The following UBXN2A variants were observed in gnomAD, a reference collection of about 807,000 sequenced individuals.
The protein encoded by UBXN2A is UBX domain protein 2A, also known as UBX domain-containing protein 2A.
Under a neutral mutation model 28.4 loss-of-function variants are expected in UBXN2A, and 28 were observed. The ratio of observed to expected loss-of-function variants is 0.99; its 90% CI spans 0.73 to 1.35. The LOEUF is 1.35. Among genes scored for constraint, UBXN2A ranks in the 40% most tolerant of loss-of-function variants. UBXN2A has a pLI of 0.00. For missense variants in UBXN2A, 253 were observed against 297.9 expected, an observed-to-expected ratio of 0.85 and a Z score of 1.11; for synonymous variants, 97 against 103.6, an observed-to-expected ratio of 0.94 and a Z score of 0.39.
chr2:23,988,818 T>TA (rs1456074262), intron 6 of UBXN2A, among the ~76,000 whole-genome samples: 1 of 152,208 alleles, frequency 6.6e-6, no homozygotes, highest in Non-Finnish European at 1.5e-5. Flanking sequence ...TATGAACTCT[T>TA]ACCATCATTA....
At chr2:23,964,461 C>T (rs1336668100) in intron 2 of UBXN2A, among the ~76,000 whole-genome samples, 3 of 152,156 alleles carry the variant, frequency 2.0e-5, no homozygotes, top group Admixed American at 6.5e-5. Context: ...CCGCCTGCCT[C>T]GACCTCCCAA....
chr2:23,960,950 C>A (rs1430949235), intron 2 of UBXN2A, among the ~76,000 whole-genome samples: 2 of 150,526 alleles, frequency 1.3e-5, no homozygotes, highest in Non-Finnish European at 3.0e-5. Flanking sequence ...CTTTCTATTT[C>A]TACAGATTTA....
intron 6 of UBXN2A, among the ~76,000 whole-genome samples, chr2:23,992,943 G>T (rs963718082): frequency 1.3e-5 from 2 of 152,108 alleles, no homozygotes; most frequent in African/African-American, 4.8e-5. Flanking sequence ...GTTTTGTGGG[G>T]TTTTTTCCTC....
At chr2:23,960,079 C>T (rs981176430) in intron 2 of UBXN2A, among the ~76,000 whole-genome samples, 90 of 151,802 alleles carry the variant, frequency 5.9e-4, no homozygotes, top group Admixed American at 6.6e-4. Flanking sequence ...GGTGAAACCC[C>T]GTCTCTACTA....
intron 1 of UBXN2A, among the ~76,000 whole-genome samples, chr2:23,941,800 C>T (rs937968155): frequency 6.6e-6 from 1 of 152,254 alleles, no homozygotes; most frequent in African/African-American, 2.4e-5. Flanking sequence ...GGGCCCGGAG[C>T]GATGGCTCAC....
chr2:23,979,201 G>A (rs978990870), intron 4 of UBXN2A, among the ~76,000 whole-genome samples: 5 of 151,508 alleles, frequency 3.3e-5, no homozygotes, highest in African/African-American at 9.7e-5. Context: ...AAAATTAGCC[G>A]GGCATGGTAG....
chr2:23,984,693 C>G lies in UBXN2A; in HGVS notation c.446C>G (p.Ser149Cys), dbSNP rs1438638819. 2.6e-6 allele frequency: 4 copies of G among 1,537,412 alleles called. No homozygotes were observed. The highest frequency in any genetic ancestry group is 3.5e-6 in the Non-Finnish European group (4 of 1,152,192). The change falls in exon 6 of 7, where the codon TCT becomes TGT. Residue 149 changes from serine (S) to cysteine (C), a missense_variant. Physicochemically the swap from Ser to Cys is moderately radical, Grantham distance 112. Transcript: ENST00000309033. Reference sequence around the variant, plus strand: ...CTTAGTGCCACACCAAAAATTGTTTCTAAAGCAAAGAATATTGAAGTTGAA... The same window carrying G: ...CTTAGTGCCACACCAAAAATTGTTTGTAAAGCAAAGAATATTGAAGTTGAA... ...RLGSATPKIVSKAKNIEVENK... is the reference protein window; with the variant it reads ...RLGSATPKIVCKAKNIEVENK...
chr2:23,931,347 A>G (rs987028424), intron 1 of UBXN2A, among the ~76,000 whole-genome samples: 1 of 151,946 alleles, frequency 6.6e-6, no homozygotes, highest in African/African-American at 2.4e-5. Context: ...TTCGGAGGCT[A>G]AGGCATGAGA....
chr2:23,999,218 A>AT (rs1321027470), intron 6 of UBXN2A, among the ~76,000 whole-genome samples: 1 of 152,226 alleles, frequency 6.6e-6, no homozygotes, highest in Non-Finnish European at 1.5e-5. Flanking sequence ...CATGACGATC[A>AT]TGATACAATT....
intron 1 of UBXN2A, among the ~76,000 whole-genome samples, chr2:23,942,457 T>A (rs562930640): frequency 7.7e-6 from 1 of 129,536 alleles, no homozygotes; most frequent in Admixed American, 9.9e-5. Flanking sequence ...AGAGTCTCGC[T>A]CTGTCACCCA....
intron 1 of UBXN2A, among the ~76,000 whole-genome samples, chr2:23,931,831 T>G (rs1310005535): frequency 2.0e-5 from 3 of 151,956 alleles, no homozygotes; most frequent in African/African-American, 7.3e-5. Context: ...AGCAACATAG[T>G]GAAACCCCGT....
intron 6 of UBXN2A, among the ~76,000 whole-genome samples, chr2:23,988,872 G>T (rs528563188): frequency 6.6e-6 from 1 of 152,122 alleles, no homozygotes; most frequent in Non-Finnish European, 1.5e-5. Context: ...TTTGTGAGAC[G>T]TCCTTTAAAC....
Position 23,968,550 on chromosome 2 carries a change from G to A in UBXN2A, c.42-2726G>A, listed in dbSNP as rs1707268383. ...TAGCCAGGTGTGGTGGCGGGTGCCTGTAGTCCCAACTACTCCAGAGGCTGA... is the reference window on the plus strand; with the variant it reads ...TAGCCAGGTGTGGTGGCGGGTGCCTATAGTCCCAACTACTCCAGAGGCTGA... On this transcript the variant is annotated intron_variant, in intron 2 of 6. Transcript: ENST00000309033. 2.7e-5 allele frequency among the ~76,000 whole-genome samples: 4 copies of A among 150,930 alleles called. No individual in the cohort carries two copies. In the South Asian group the frequency reaches 8.4e-4, roughly 32 times the overall value.
intron 1 of UBXN2A, among the ~76,000 whole-genome samples, chr2:23,944,802 G>T (rs918764645): frequency 1.3e-5 from 2 of 152,136 alleles, no homozygotes; most frequent in Non-Finnish European, 2.9e-5. Context: ...TGAGAGCCAG[G>T]CCATTAACAC....
At chr2:23,965,837 A>G (rs1215441859) in intron 2 of UBXN2A, among the ~76,000 whole-genome samples, 1 of 152,130 alleles carries the variant, frequency 6.6e-6, no homozygotes, top group African/African-American at 2.4e-5. Context: ...CATCATCCAG[A>G]CCTGGTGCTT....
At chr2:23,969,958 A>G (rs1363930878) in intron 2 of UBXN2A, among the ~76,000 whole-genome samples, 1 of 152,226 alleles carries the variant, frequency 6.6e-6, no homozygotes, top group Non-Finnish European at 1.5e-5. Flanking sequence ...AAAAAAACGC[A>G]TAGTAATCCC....
At chr2:23,987,145 A>G (rs939955322) in intron 6 of UBXN2A, among the ~76,000 whole-genome samples, 4 of 152,108 alleles carry the variant, frequency 2.6e-5, no homozygotes, top group Non-Finnish European at 4.4e-5. Flanking sequence ...GAAACATGTC[A>G]TATATAGCAT....
chr2:23,971,678 C>T (rs1240447362), intron 3 of UBXN2A, among the ~76,000 whole-genome samples: 4 of 152,010 alleles, frequency 2.6e-5, no homozygotes, highest in Non-Finnish European at 5.9e-5. Context: ...TTTGTAGAGA[C>T]GGGGTCTTGC....
intron 1 of UBXN2A, among the ~76,000 whole-genome samples, chr2:23,931,959 C>A (rs1705381170): frequency 1.3e-5 from 2 of 149,728 alleles, no homozygotes; most frequent in African/African-American, 4.9e-5. Flanking sequence ...TGCAGTGAGC[C>A]GAGATCACGC....
Sources: gnomAD v4.1 joint callset for allele counts (sites outside exome capture counted in the v4.1 genomes callset) on GRCh38, gnomAD v4.1.1 for gene constraint, MANE v1.5 for transcripts, NCBI Gene and HGNC (gene_info 2026-07-23, HGNC 2026-07-21) for gene names.